The following EGFR variants were observed in gnomAD, a reference collection of about 807,000 sequenced individuals.
EGFR encodes the protein avian erythroblastic leukemia viral (v-erb-b) oncogene homolog.
EGFR carries 58 observed loss-of-function variants against 143.0 expected under a neutral mutation model. The ratio of observed to expected loss-of-function variants is 0.41; its 90% CI spans 0.33 to 0.50. The LOEUF (loss-of-function observed/expected upper bound fraction) is 0.50. EGFR is among the 20% of genes least tolerant of loss of function. The probability of loss-of-function intolerance (pLI) is 0.39; values close to 1 mark genes in which losing one functional copy is unlikely to be tolerated. For synonymous variants in EGFR, 613 were observed against 594.4 expected (o/e 1.03, Z -0.45); for missense variants, 1,307 against 1,579.0 (o/e 0.83, Z 2.92).
intron 1 of EGFR, among the ~76,000 whole-genome samples, chr7:55,026,994 A>T (rs919776860): frequency 5.3e-5 from 8 of 152,128 alleles, no homozygotes; most frequent in African/African-American, 1.9e-4. Context: ...TGAGTAAGAC[A>T]CTGGAAGGGC....
intron 7 of EGFR, 140 bp downstream of exon 7, chr7:55,154,292 C>A (rs889104255): frequency 7.5e-7 from 1 of 1,341,042 alleles, no homozygotes; most frequent in South Asian, 1.3e-5. Flanking sequence ...ACCCTGTGCC[C>A]GTCCAGGCAC....
chr7:55,146,775 C>T (rs1794787902), intron 4 of EGFR, 35 bp downstream of exon 4: 1 of 1,613,842 alleles, frequency 6.2e-7, no homozygotes, highest in South Asian at 1.1e-5. Context: ...CTGCCTCCAG[C>T]TCCTATGGGG....
At chr7:55,124,236 A>G (rs1019692506) in intron 1 of EGFR, among the ~76,000 whole-genome samples, 1 of 152,210 alleles carries the variant, frequency 6.6e-6, no homozygotes, top group African/African-American at 2.4e-5. Flanking sequence ...TACTACTTCA[A>G]TCAAATCTAA....
chr7:55,156,026 C>T (rs1785401742), intron 8 of EGFR, 80 bp downstream of exon 8: 9 of 932,896 alleles, frequency 9.6e-6, no homozygotes, highest in Admixed American at 2.0e-5. Context: ...CAAAGGAACA[C>T]ATCTTCCTCT....
chr7:55,061,038 A>G (rs1024750), intron 1 of EGFR, among the ~76,000 whole-genome samples: 127,925 of 152,252 alleles, frequency 0.84, 53,930 homozygotes, highest in East Asian at 0.97. Flanking sequence ...CATCTGCTTA[A>G]ATGAGGTGCA....
intron 12 of EGFR, among the ~76,000 whole-genome samples, chr7:55,161,265 C>A (rs1218340640): frequency 6.6e-6 from 1 of 152,246 alleles, no homozygotes; most frequent in African/African-American, 2.4e-5. Context: ...GACCTGTCCT[C>A]CACTGTCAGG....
chr7:55,031,131 C>G (rs377637859), intron 1 of EGFR, among the ~76,000 whole-genome samples: 68 of 152,330 alleles, frequency 4.5e-4, no homozygotes, highest in African/African-American at 1.6e-3. Flanking sequence ...GTCCTGCACT[C>G]CAGCTGAGCA....
At chr7:55,192,920 C>T in intron 22 of EGFR, 79 bp downstream of exon 22, 1 of 1,190,686 alleles carries the variant, frequency 8.4e-7, no homozygotes, top group Non-Finnish European at 1.3e-6. Context: ...ACATTATATC[C>T]TCTGACATGC....
chr7:55,030,765 A>T (rs1468990959), intron 1 of EGFR, among the ~76,000 whole-genome samples: 1 of 152,228 alleles, frequency 6.6e-6, no homozygotes, highest in Non-Finnish European at 1.5e-5. Context: ...GTGGCCCTCC[A>T]AGAGTGTTCA....
intron 20 of EGFR, chr7:55,181,962 G>A: frequency 4.1e-6 from 1 of 242,014 alleles, no homozygotes; most frequent in East Asian, 1.1e-4. Context: ...CTGCTGCTAT[G>A]TGGCTGGGGC....
intron 22 of EGFR, among the ~76,000 whole-genome samples, chr7:55,194,283 G>T (rs1172533280): frequency 2.0e-5 from 3 of 149,270 alleles, no homozygotes; most frequent in African/African-American, 7.4e-5. Context: ...CTGGAGTGCA[G>T]TGGTGCAGTC....
At chr7:55,043,025 C>T (rs897010229) in intron 1 of EGFR, among the ~76,000 whole-genome samples, 9 of 152,198 alleles carry the variant, frequency 5.9e-5, no homozygotes, top group African/African-American at 1.7e-4. Flanking sequence ...TCTTTCAAAT[C>T]GGATGGTACC....
chr7:55,057,534 G>A (rs1409814760), intron 1 of EGFR, among the ~76,000 whole-genome samples: 1 of 152,170 alleles, frequency 6.6e-6, no homozygotes, highest in Non-Finnish European at 1.5e-5. Context: ...GTAACACCGA[G>A]GTTTGAGAGA....
chr7:55,090,148 T>C (rs1369931859), intron 1 of EGFR, among the ~76,000 whole-genome samples: 2 of 152,228 alleles, frequency 1.3e-5, no homozygotes, highest in Non-Finnish European at 2.9e-5. Flanking sequence ...TTTATAGTTT[T>C]AGTAGAGACA....
intron 19 of EGFR, among the ~76,000 whole-genome samples, chr7:55,179,538 G>A (rs1277270046): frequency 6.6e-6 from 1 of 152,228 alleles, no homozygotes; most frequent in East Asian, 1.9e-4. Flanking sequence ...CTCTCCTGGG[G>A]AGAAGGTGGG....
At chr7:55,053,886 G>A (rs960418932) in intron 1 of EGFR, among the ~76,000 whole-genome samples, 5 of 152,186 alleles carry the variant, frequency 3.3e-5, no homozygotes, top group Non-Finnish European at 7.3e-5. Flanking sequence ...TCTGCTTCGC[G>A]ATGAACCAGT....
At chr7:55,166,844 G>GCGATGGTGA (rs1786039547) in intron 15 of EGFR, among the ~76,000 whole-genome samples, 1 of 101,916 alleles carries the variant, frequency 9.8e-6, no homozygotes. Flanking sequence ...AGTGTTGGTG[G>GCGATGGTGA]TGAGGAGGTG....
chr7:55,136,726 C>A (rs1479751542), intron 1 of EGFR, among the ~76,000 whole-genome samples: 2 of 152,194 alleles, frequency 1.3e-5, no homozygotes, highest in Non-Finnish European at 2.9e-5. Context: ...TAGTTGATGT[C>A]TGATATGTTA....
chr7:55,044,929 C>G (rs1488951371), intron 1 of EGFR, among the ~76,000 whole-genome samples: 1 of 152,130 alleles, frequency 6.6e-6, no homozygotes, highest in Admixed American at 6.6e-5. Flanking sequence ...TGTTCATGGC[C>G]TTTGTTGTTT....
Sources: gnomAD v4.1 joint callset for allele counts (sites outside exome capture counted in the v4.1 genomes callset) on GRCh38, gnomAD v4.1.1 for gene constraint, MANE v1.5 for transcripts, NCBI Gene and HGNC (gene_info 2026-07-23, HGNC 2026-07-21) for gene names.